Variants in LRRC37A2 observed in about 807,000 individuals in gnomAD.
The protein encoded by LRRC37A2 is leucine-rich repeat-containing protein 37A2.
LRRC37A2 carries 9 observed loss-of-function variants against 68.8 expected under a neutral mutation model. The observed-to-expected ratio is 0.13, with a 90% CI of 0.08 to 0.23. The LOEUF (loss-of-function observed/expected upper bound fraction) is 0.23. Among genes scored for constraint, LRRC37A2 ranks in the 10% least tolerant of loss-of-function variants. The probability of loss-of-function intolerance (pLI) is 1.00; values close to 1 mark genes in which losing one functional copy is unlikely to be tolerated. For synonymous variants in LRRC37A2, 63 were observed against 367.6 expected, an observed-to-expected ratio of 0.17 and a Z score of 9.48; for missense variants, 168 against 950.4, an observed-to-expected ratio of 0.18 and a Z score of 10.82.
At chr17:46,955,243 C>G in the LRRC37A2 span, among the ~76,000 whole-genome samples, 1 of 151,448 alleles carries the variant, frequency 6.6e-6, no homozygotes, top group African/African-American at 2.4e-5. Context: ...TGAATTTTGT[C>G]AAAGGCCTTT....
chr17:46,919,106 G>T, the LRRC37A2 span, among the ~76,000 whole-genome samples: 1 of 152,286 alleles, frequency 6.6e-6, no homozygotes, highest in African/African-American at 2.4e-5. Flanking sequence ...CTATGGTAAG[G>T]TGGTGTCTTA....
the LRRC37A2 span, among the ~76,000 whole-genome samples, chr17:46,870,904 C>CTTTTTTTTTT: frequency 3.8e-5 from 3 of 78,394 alleles, no homozygotes; most frequent in African/African-American, 5.0e-5. Context: ...TCCACCTTTG[C>CTTTTTTTTTT]TTTTTTTTTT....
At chr17:46,947,470 T>C in the LRRC37A2 span, among the ~76,000 whole-genome samples, 2 of 152,182 alleles carry the variant, frequency 1.3e-5, no homozygotes, top group African/African-American at 2.4e-5. Context: ...GCTGCTGAGA[T>C]ACTGATGAGA....
chr17:46,726,741 C>G, the LRRC37A2 span: 1 of 849,912 alleles, frequency 1.2e-6, no homozygotes, highest in Non-Finnish European at 2.0e-6. Flanking sequence ...CTTTGTCTTA[C>G]AAGGAAATAT....
the LRRC37A2 span, among the ~76,000 whole-genome samples, chr17:46,929,046 C>T: frequency 2.6e-5 from 4 of 152,040 alleles, no homozygotes; most frequent in African/African-American, 9.7e-5. Flanking sequence ...CCTGTCATTC[C>T]TCATTATGTT....
chr17:46,895,438 C>G, the LRRC37A2 span, among the ~76,000 whole-genome samples: 1 of 152,192 alleles, frequency 6.6e-6, no homozygotes, highest in Non-Finnish European at 1.5e-5. Flanking sequence ...AGCTCTCACC[C>G]GTGAGGTGGG....
the LRRC37A2 span, among the ~76,000 whole-genome samples, chr17:46,796,566 A>G: frequency 6.6e-6 from 1 of 152,170 alleles, no homozygotes; most frequent in Admixed American, 6.5e-5. Context: ...TGTATGTCCC[A>G]CTCGGGGCAC....
chr17:46,751,405 G>A, the LRRC37A2 span: 6 of 826,076 alleles, frequency 7.3e-6, no homozygotes, highest in African/African-American at 8.4e-5. Flanking sequence ...GAACAGTTAG[G>A]TAGTTCTTAT....
the LRRC37A2 span, among the ~76,000 whole-genome samples, chr17:46,852,911 G>A: frequency 3.4e-4 from 51 of 152,088 alleles, no homozygotes; most frequent in Non-Finnish European, 6.3e-4. Flanking sequence ...ACCCCTGGTG[G>A]AAACATGTCT....
At chr17:46,543,419 T>C (rs569398798) in intron 8 of LRRC37A2, among the ~76,000 whole-genome samples, 1 of 151,064 alleles carries the variant, frequency 6.6e-6, no homozygotes, top group South Asian at 2.1e-4. Flanking sequence ...ATGTACTAAG[T>C]GTAATGTCTG....
At chr17:47,022,203 C>CTTTTTT in the LRRC37A2 span, among the ~76,000 whole-genome samples, 1 of 43,868 alleles carries the variant, frequency 2.3e-5, no homozygotes, top group African/African-American at 6.1e-5. Context: ...CAGGTTCTTA[C>CTTTTTT]TTTGTCCTCT....
chr17:46,903,281 C>CA, the LRRC37A2 span, among the ~76,000 whole-genome samples: 716 of 145,010 alleles, frequency 4.9e-3, 7 homozygotes, highest in South Asian at 0.022. Context: ...GACTCTGTCT[C>CA]AAAAAAAAAA....
the LRRC37A2 span, among the ~76,000 whole-genome samples, chr17:47,002,596 G>A: frequency 3.3e-5 from 5 of 152,118 alleles, no homozygotes; most frequent in East Asian, 7.8e-4. Flanking sequence ...CACCAGATTG[G>A]TCAGGCTGGT....
chr17:46,737,649 AG>A, the LRRC37A2 span, among the ~76,000 whole-genome samples: 6 of 151,862 alleles, frequency 4.0e-5, no homozygotes, highest in Non-Finnish European at 5.9e-5. Flanking sequence ...GTCACAATCC[AG>A]GGTGGGAGAA....
At chr17:47,008,849 T>C in the LRRC37A2 span, among the ~76,000 whole-genome samples, 2 of 152,168 alleles carry the variant, frequency 1.3e-5, no homozygotes, top group East Asian at 3.8e-4. Flanking sequence ...TACATAAAAA[T>C]ATTTTTGATT....
the LRRC37A2 span, among the ~76,000 whole-genome samples, chr17:46,895,877 G>A: frequency 6.6e-6 from 1 of 152,200 alleles, no homozygotes; most frequent in Non-Finnish European, 1.5e-5. Flanking sequence ...CAGGAGACAA[G>A]TGGGAGCAGG....
the LRRC37A2 span, among the ~76,000 whole-genome samples, chr17:46,822,631 G>A: frequency 1.3e-5 from 2 of 152,230 alleles, no homozygotes; most frequent in Admixed American, 6.5e-5. Flanking sequence ...CCGGATTTCG[G>A]AGGATCTTGG....
At chr17:46,875,036 T>A in the LRRC37A2 span, 1 of 1,612,938 alleles carries the variant, frequency 6.2e-7, no homozygotes, top group Non-Finnish European at 8.5e-7. Flanking sequence ...AGGCAACCTC[T>A]AAGCTTCCTC....
the LRRC37A2 span, among the ~76,000 whole-genome samples, chr17:46,956,416 G>A: frequency 1.1e-3 from 172 of 150,016 alleles, no homozygotes; most frequent in African/African-American, 4.0e-3. Context: ...TCAGCCTCCC[G>A]AGTAGCTGGG....
Sources: allele counts gnomAD v4.1 joint callset (sites outside exome capture counted in the v4.1 genomes callset), GRCh38; gene constraint gnomAD v4.1.1; transcripts MANE v1.5; gene names NCBI Gene and HGNC (gene_info 2026-07-23, HGNC 2026-07-21).